The following GALNT13 variants were observed in gnomAD, a reference collection of about 807,000 sequenced individuals.
GALNT13 encodes the protein polypeptide N-acetylgalactosaminyltransferase 13.
A neutral mutation model predicts 64.2 loss-of-function variants in GALNT13; 28 were observed. The ratio of observed to expected loss-of-function variants is 0.44; its 90% CI spans 0.32 to 0.60. GALNT13 has a LOEUF of 0.60. GALNT13 is among the 20% of genes least tolerant of loss of function. The pLI, the probability that GALNT13 is intolerant of heterozygous loss-of-function variation, is 0.05. For synonymous variants in GALNT13, 214 were observed against 224.6 expected (o/e 0.95, Z 0.42); for missense variants, 577 against 669.8 (o/e 0.86, Z 1.53).
rs184564504 is a variant in GALNT13 at position 154,175,579 on chromosome 2, A to T, written c.311+35074A>T. Among the ~76,000 whole-genome samples the T allele has an allele frequency of 3.9e-4, 59 of 152,290 alleles. No individual in the cohort carries two copies. In the East Asian group the frequency reaches 0.011, roughly 29 times the overall value. The stretch of plus-strand genomic sequence containing the variant: ...TTTACCAAGCTGTTTGGGGATTCTT[A>T]ACCTTTAAATGCCACAGGCTCCTTG... On this transcript the variant is annotated intron_variant, in intron 4 of 12. Transcript: ENST00000392825.
the GALNT13 span, among the ~76,000 whole-genome samples, chr2:153,256,568 C>G: frequency 3.9e-5 from 6 of 152,198 alleles, no homozygotes; most frequent in Non-Finnish European, 8.8e-5. Context: ...TCCAGTTTTT[C>G]TGCTCTGTTT....
the GALNT13 span, among the ~76,000 whole-genome samples, chr2:153,078,120 A>G: frequency 2.0e-5 from 3 of 151,600 alleles, no homozygotes; most frequent in Admixed American, 2.0e-4. Flanking sequence ...AAATGGAGAT[A>G]TCTTTTTCTT....
the GALNT13 span, among the ~76,000 whole-genome samples, chr2:153,221,128 G>A: frequency 6.6e-6 from 1 of 152,070 alleles, no homozygotes; most frequent in Non-Finnish European, 1.5e-5. Flanking sequence ...TCCTGCACAC[G>A]TACCCCTGAA....
chr2:153,476,206 A>G, the GALNT13 span, among the ~76,000 whole-genome samples: 1 of 152,344 alleles, frequency 6.6e-6, no homozygotes, highest in South Asian at 2.1e-4. Context: ...CGAAATGGAC[A>G]CTTAATAGTG....
At chr2:153,083,454 C>T in the GALNT13 span, among the ~76,000 whole-genome samples, 7 of 152,064 alleles carry the variant, frequency 4.6e-5, no homozygotes, top group South Asian at 2.1e-4. Flanking sequence ...AAGGTGGTAT[C>T]GCATTGTGGT....
At chr2:154,126,311 T>C (rs891737434) in intron 3 of GALNT13, among the ~76,000 whole-genome samples, 2 of 152,114 alleles carry the variant, frequency 1.3e-5, no homozygotes, top group Non-Finnish European at 2.9e-5. Context: ...TGCCAAACAA[T>C]TCTATATTCA....
the GALNT13 span, among the ~76,000 whole-genome samples, chr2:153,842,555 AT>A: frequency 6.6e-6 from 1 of 152,200 alleles, no homozygotes; most frequent in African/African-American, 2.4e-5. Flanking sequence ...AAGGTCATCT[AT>A]TTCTACACAC....
intron 3 of GALNT13, among the ~76,000 whole-genome samples, chr2:154,026,979 C>G (rs1465238079): frequency 2.6e-5 from 4 of 151,868 alleles, no homozygotes; most frequent in Admixed American, 2.0e-4. Context: ...GAGAAGATAG[C>G]AAAAAAGACT....
At chr2:154,047,823 T>C (rs1401834833) in intron 3 of GALNT13, among the ~76,000 whole-genome samples, 3 of 152,180 alleles carry the variant, frequency 2.0e-5, no homozygotes, top group African/African-American at 4.8e-5. Flanking sequence ...TGCTCTCCTG[T>C]GTATGTAGCA....
At chr2:153,613,462 A>G in the GALNT13 span, among the ~76,000 whole-genome samples, 58 of 152,244 alleles carry the variant, frequency 3.8e-4, no homozygotes, top group African/African-American at 1.3e-3. Flanking sequence ...TATCTATATA[A>G]CTCAATTGTA....
the GALNT13 span, among the ~76,000 whole-genome samples, chr2:153,482,853 T>C: frequency 6.6e-6 from 1 of 152,140 alleles, no homozygotes; most frequent in Non-Finnish European, 1.5e-5. Flanking sequence ...TTTGAAAGGA[T>C]TGATCTATTC....
chr2:153,959,083 A>G (rs183351332), intron 3 of GALNT13, among the ~76,000 whole-genome samples: 2 of 152,354 alleles, frequency 1.3e-5, no homozygotes, highest in Admixed American at 1.3e-4. Context: ...TCTAACTCTA[A>G]GGGCAGAAAA....
At chr2:153,095,922 A>T in the GALNT13 span, among the ~76,000 whole-genome samples, 2 of 152,120 alleles carry the variant, frequency 1.3e-5, no homozygotes, top group Non-Finnish European at 2.9e-5. Context: ...GCATTAGGAG[A>T]TATACCTAAT....
chr2:154,024,285 A>G (rs1246393445), intron 3 of GALNT13, among the ~76,000 whole-genome samples: 3 of 152,134 alleles, frequency 2.0e-5, no homozygotes, highest in East Asian at 3.9e-4. Flanking sequence ...TATCCTGCAG[A>G]GTGTTTTCCA....
At chr2:153,649,572 G>T in the GALNT13 span, among the ~76,000 whole-genome samples, 1 of 149,250 alleles carries the variant, frequency 6.7e-6, no homozygotes, top group Non-Finnish European at 1.5e-5. Flanking sequence ...GTCAATTTTG[G>T]ATCTTTCCTG....
At chr2:154,289,189 G>A (rs1342308533) in intron 8 of GALNT13, among the ~76,000 whole-genome samples, 2 of 152,182 alleles carry the variant, frequency 1.3e-5, no homozygotes, top group Admixed American at 6.5e-5. Context: ...AACAGTCTGA[G>A]CTCTACATTT....
At chr2:153,628,514 C>T in the GALNT13 span, among the ~76,000 whole-genome samples, 24 of 151,240 alleles carry the variant, frequency 1.6e-4, no homozygotes, top group South Asian at 4.2e-4. Context: ...TTTTGAAATA[C>T]GTCCCATCAA....
intron 11 of GALNT13, among the ~76,000 whole-genome samples, chr2:154,417,811 C>T (rs889355851): frequency 1.3e-5 from 2 of 152,022 alleles, no homozygotes; most frequent in African/African-American, 4.8e-5. Context: ...CGCGCCCGGC[C>T]ACTTTTAGAA....
chr2:154,146,521 G>A (rs1228214430), intron 4 of GALNT13, among the ~76,000 whole-genome samples: 1 of 151,822 alleles, frequency 6.6e-6, no homozygotes, highest in Non-Finnish European at 1.5e-5. Flanking sequence ...AAGTATAAAG[G>A]ACATCAGAAT....
Sources: gnomAD v4.1 joint callset for allele counts (sites outside exome capture counted in the v4.1 genomes callset) on GRCh38, gnomAD v4.1.1 for gene constraint, MANE v1.5 for transcripts, NCBI Gene and HGNC (gene_info 2026-07-23, HGNC 2026-07-21) for gene names.